The following NAALADL2 variants were observed in gnomAD, a reference collection of about 807,000 sequenced individuals.
NAALADL2 encodes inactive N-acetylated-alpha-linked acidic dipeptidase-like protein 2.
In NAALADL2, 76 loss-of-function variants were observed where a neutral mutation model predicts 87.2. That is an observed-to-expected ratio of 0.87 (90% CI 0.72 to 1.05). The LOEUF is 1.05. NAALADL2 is among the 50% of genes least tolerant of loss of function. NAALADL2 has a pLI of 0.00. For synonymous variants in NAALADL2, 354 were observed against 331.0 expected (o/e 1.07, Z -0.75); for missense variants, 1,089 against 945.8 (o/e 1.15, Z -1.99).
intron 5 of NAALADL2, among the ~76,000 whole-genome samples, chr3:175,432,960 C>CA (rs1718012341): frequency 6.6e-6 from 1 of 152,064 alleles, no homozygotes; most frequent in South Asian, 2.1e-4. Context: ...CCAGTCTCTT[C>CA]AGGCCTGCTG....
At chr3:174,759,888 A>C (rs535339108) in intron 3 of NAALADL2, among the ~76,000 whole-genome samples, 1 of 152,218 alleles carries the variant, frequency 6.6e-6, no homozygotes, top group South Asian at 2.1e-4. Context: ...TTCAGTAGAC[A>C]TGGGGTTTTG....
intron 10 of NAALADL2, among the ~76,000 whole-genome samples, chr3:175,590,289 AT>A (rs970949976): frequency 6.2e-5 from 9 of 145,422 alleles, no homozygotes; most frequent in African/African-American, 1.8e-4. Flanking sequence ...GTTTCAATTG[AT>A]TTTTTTTGTA....
At chr3:175,436,378 G>A (rs1252543039) in intron 5 of NAALADL2, among the ~76,000 whole-genome samples, 1 of 149,012 alleles carries the variant, frequency 6.7e-6, no homozygotes, top group Non-Finnish European at 1.5e-5. Flanking sequence ...TAATGGGATG[G>A]CTGGGTCAAA....
intron 11 of NAALADL2, among the ~76,000 whole-genome samples, chr3:175,653,201 A>T (rs996820985): frequency 2.4e-4 from 37 of 152,042 alleles, no homozygotes; most frequent in Admixed American, 3.9e-4. Flanking sequence ...GCCTATATGG[A>T]GGAGATGGAA....
chr3:175,398,985 T>A lies in NAALADL2; in HGVS notation c.1091-48244T>A, dbSNP rs1770197737. On this transcript the variant is annotated intron_variant, in intron 5 of 13. Coordinates refer to ENST00000454872, the MANE Select transcript of NAALADL2 (RefSeq NM_207015.3). Reference sequence around the variant, plus strand: ...GCTACTCCATAAACAGAGTAGAGCATTCTCGAAAGTAAGAGGAGGAATGTG... The same window carrying A: ...GCTACTCCATAAACAGAGTAGAGCAATCTCGAAAGTAAGAGGAGGAATGTG... Among the ~76,000 whole-genome samples the A allele has an allele frequency of 2.0e-5, 3 of 151,872 alleles. No homozygotes were observed. The South Asian group carries it at 6.3e-4, about 32-fold the overall frequency.
intron 1 of NAALADL2, among the ~76,000 whole-genome samples, chr3:174,486,790 A>C (rs1717884592): frequency 6.6e-6 from 1 of 151,938 alleles, no homozygotes; most frequent in South Asian, 2.1e-4. Flanking sequence ...ATATCACTGA[A>C]ATTTTTAGCC....
At chr3:174,853,697 T>C (rs1725526302) in intron 3 of NAALADL2, among the ~76,000 whole-genome samples, 1 of 151,898 alleles carries the variant, frequency 6.6e-6, no homozygotes, top group African/African-American at 2.4e-5. Context: ...TAAAAAAAAA[T>C]CTGATTTTAA....
chr3:175,749,075 C>T (rs1444470522), intron 12 of NAALADL2, among the ~76,000 whole-genome samples: 2 of 147,584 alleles, frequency 1.4e-5, no homozygotes, highest in African/African-American at 5.0e-5. Context: ...CTACTGTACT[C>T]CAGACTGGGC....
chr3:175,449,000 G>T (rs1721116405), intron 6 of NAALADL2, among the ~76,000 whole-genome samples: 1 of 152,126 alleles, frequency 6.6e-6, no homozygotes. Context: ...ATAAGTATGA[G>T]CCACCATAAC....
intron 1 of NAALADL2, among the ~76,000 whole-genome samples, chr3:174,951,549 T>C (rs1434933564): frequency 6.6e-6 from 1 of 152,120 alleles, no homozygotes; most frequent in African/African-American, 2.4e-5. Context: ...CTTTTTAATT[T>C]TAATTGATAG....
At chr3:175,416,953 A>T (rs1714745206) in intron 5 of NAALADL2, among the ~76,000 whole-genome samples, 2 of 151,832 alleles carry the variant, frequency 1.3e-5, no homozygotes, top group Non-Finnish European at 2.9e-5. Flanking sequence ...TAAAATAATT[A>T]AAAAATGTAA....
chr3:175,179,660 G>A (rs1314516226), intron 2 of NAALADL2, among the ~76,000 whole-genome samples: 1 of 151,924 alleles, frequency 6.6e-6, no homozygotes, highest in African/African-American at 2.4e-5. Flanking sequence ...ATAGACATGG[G>A]TTACTTCTAG....
At chr3:175,452,860 G>T (rs1721787378) in intron 6 of NAALADL2, among the ~76,000 whole-genome samples, 1 of 152,152 alleles carries the variant, frequency 6.6e-6, no homozygotes. Flanking sequence ...GGAACCTATT[G>T]TCCAAAGTCC....
chr3:174,685,271 G>T (rs533499932), intron 2 of NAALADL2, among the ~76,000 whole-genome samples: 41 of 152,136 alleles, frequency 2.7e-4, no homozygotes, highest in African/African-American at 9.2e-4. Context: ...GTAAATGGCA[G>T]CTGCATCCTC....
chr3:175,032,704 A>AT (rs1580119181), intron 1 of NAALADL2, among the ~76,000 whole-genome samples: 1 of 152,032 alleles, frequency 6.6e-6, no homozygotes, highest in African/African-American at 2.4e-5. Flanking sequence ...AAAATTAAAA[A>AT]ATATATATAT....
chr3:175,038,638 C>T (rs1753696103), intron 1 of NAALADL2, among the ~76,000 whole-genome samples: 3 of 152,164 alleles, frequency 2.0e-5, no homozygotes, highest in South Asian at 2.1e-4. Flanking sequence ...ATGAACTTTA[C>T]ATCAACAATG....
intron 3 of NAALADL2, among the ~76,000 whole-genome samples, chr3:174,745,277 C>A (rs1309144757): frequency 7.9e-5 from 12 of 152,092 alleles, no homozygotes; most frequent in Non-Finnish European, 1.5e-4. Flanking sequence ...ACTGACCCCA[C>A]AGAAATACAA....
At chr3:175,395,655 C>A (rs1200776417) in intron 5 of NAALADL2, among the ~76,000 whole-genome samples, 1 of 152,212 alleles carries the variant, frequency 6.6e-6, no homozygotes, top group African/African-American at 2.4e-5. Flanking sequence ...AAGATCAAGG[C>A]GGAACTTCAT....
intron 1 of NAALADL2, among the ~76,000 whole-genome samples, chr3:175,095,544 G>A (rs886332557): frequency 4.0e-5 from 6 of 151,818 alleles, no homozygotes; most frequent in Non-Finnish European, 7.4e-5. Flanking sequence ...TTAATATTTA[G>A]TTATATTTGA....
Sources: gnomAD v4.1 joint callset for allele counts (sites outside exome capture counted in the v4.1 genomes callset) on GRCh38, gnomAD v4.1.1 for gene constraint, MANE v1.5 for transcripts, NCBI Gene and HGNC (gene_info 2026-07-23, HGNC 2026-07-21) for gene names.